Variants in EGR2 observed in about 807,000 individuals in gnomAD.
EGR2 encodes E3 SUMO-protein ligase EGR2.
A neutral mutation model predicts 21.2 loss-of-function variants in EGR2; 2 were observed. That is an observed-to-expected ratio of 0.09 (90% confidence interval 0.04 to 0.30). The LOEUF is 0.30. Ranked by LOEUF, EGR2 falls within the 10% of genes least tolerant of loss-of-function variation. The pLI, the probability that EGR2 is intolerant of heterozygous loss-of-function variation, is 1.00. For missense variants in EGR2, 458 were observed against 630.2 expected (o/e 0.73, Z 2.93); for synonymous variants, 282 against 258.2 (o/e 1.09, Z -0.88).
In EGR2 at chr10:62,816,332, C is replaced by T; in HGVS notation, c.-303G>A. ...TATTATAACAGTCAGTGAGTCCCCT[C>T]GCCGAGCTATTAATCAATTGCTCCT... On this transcript the variant is annotated 5_prime_UTR_variant, in exon 1 of 2. Coordinates refer to ENST00000242480, the MANE Select transcript of EGR2 (RefSeq NM_000399.5). 3 of 1,265,970 alleles carry T rather than the reference C, an allele frequency of 2.4e-6. No homozygotes were observed. The highest frequency in any genetic ancestry group is 1.6e-5 in the South Asian group (1 of 63,720). The allele number at this position is 1,265,970 out of a possible 1,614,324, so 78.4% of individuals were successfully genotyped here.
intron 1 of EGR2, among the ~76,000 whole-genome samples, 162 bp downstream of exon 1, chr10:62,815,699 T>C (rs539966120): frequency 2.0e-5 from 3 of 152,360 alleles, no homozygotes; most frequent in Admixed American, 6.5e-5. Context: ...GTCTCAGCTG[T>C]CGCAGGTTCC....
chr10:62,818,819 G>A (rs1838318004), upstream of EGR2, among the ~76,000 whole-genome samples: 1 of 152,160 alleles, frequency 6.6e-6, no homozygotes, highest in African/African-American at 2.4e-5. Flanking sequence ...GGACCGGCAG[G>A]CGGGCGAGTT....
intron 1 of EGR2, among the ~76,000 whole-genome samples, chr10:62,815,471 G>GC (rs1842240785): frequency 6.6e-6 from 1 of 152,228 alleles, no homozygotes; most frequent in Admixed American, 6.5e-5. Context: ...CTCTCCAGGC[G>GC]CGCAGCTCTC....
At chr10:62,816,436 G>A, upstream of EGR2, 10 of 1,107,986 alleles carry the variant, frequency 9.0e-6, no homozygotes, top group African/African-American at 1.6e-5. Flanking sequence ...GCCCATATAT[G>A]GACTGAGGAA....
Position 62,816,015 on chromosome 10 carries a change from C to T in EGR2, c.15G>A (p.Lys5=). The change falls in exon 1 of 2, where the codon AAG becomes AAA. Residue 5 remains lysine, a synonymous_variant. Transcript: ENST00000242480. ...GAGTTACTGGGATTTTGTCTACGGC[C>T]TTGGCGGTCATCATTTGCTCCTCGC... MMTA[K]AVDKIPVTLS... 6.2e-7 allele frequency: 1 copy of T among 1,614,182 alleles called. No individual in the cohort carries two copies. Among genetic ancestry groups the T allele is most frequent in the Non-Finnish European group, 8.5e-7 (1 of 1,180,030 alleles).
Position 62,813,443 on chromosome 10 carries a change from C to G in EGR2, c.1195G>C (p.Ala399Pro). ...IRTHTGEKPF[A>P]CDYCGRKFAR... ...AACTTTCGGCCACAGTAGTCACAGG[C>G]GAAGGGCTTCTCACCGGTGTGGGTG... Residue 399 changes from alanine (A) to proline (P), a missense_variant, in exon 2 of 2, where the codon GCC (alanine) becomes CCC (proline). This residue lies in a region of EGR2 where 39 missense variants were observed against 113.7 expected (regional missense o/e 0.34). Transcript: ENST00000242480. The surrounding 1 kb of genome is among the most constrained non-coding windows in gnomAD (Gnocchi z 5.7). 6.2e-7 allele frequency: 1 copy of G among 1,614,186 alleles called. No homozygotes were observed. Among genetic ancestry groups the G allele is most frequent in the Non-Finnish European group, 8.5e-7 (1 of 1,180,026 alleles).
chr10:62,816,986 G>A (rs1842286167), upstream of EGR2, among the ~76,000 whole-genome samples: 1 of 152,202 alleles, frequency 6.6e-6, no homozygotes, highest in African/African-American at 2.4e-5. Context: ...AAGAGTGAAT[G>A]CGTATTGCTT....
upstream of EGR2, among the ~76,000 whole-genome samples, chr10:62,816,585 T>A (rs1313576258): frequency 6.6e-6 from 1 of 152,100 alleles, no homozygotes; most frequent in East Asian, 1.9e-4. Flanking sequence ...CGGCCCTAGC[T>A]GCAGCCTGGG....
rs768683610 is a variant in EGR2, at chr10:62,814,195, G to T, written c.443C>A (p.Pro148His). 1.2e-6 allele frequency: 2 copies of T among 1,614,172 alleles called. No individual in the cohort carries two copies. Among genetic ancestry groups the T allele is most frequent in the South Asian group, 1.1e-5 (1 of 91,086 alleles). The change falls in exon 2 of 2, where the codon CCC (proline) becomes CAC (histidine). Residue 148 changes from proline to histidine, a missense_variant. Coordinates refer to ENST00000242480, the MANE Select transcript of EGR2 (RefSeq NM_000399.5). The surrounding 1 kb of genome is among the most constrained non-coding windows in gnomAD (Gnocchi z 4.8). ...CTGGGACATGGTGCACACACCCAGG[G>T]GTCCTGTGGCCAGTGGGTTGGGGGA... ...SASPNPLATG[P>H]LGVCTMSQTQ...
At chr10:62,815,366 G>A (rs1227313652) in intron 1 of EGR2, among the ~76,000 whole-genome samples, 1 of 152,242 alleles carries the variant, frequency 6.6e-6, no homozygotes, top group East Asian at 1.9e-4. Context: ...GCGCCTCCAG[G>A]CCGCAAGAAG....
At position 62,814,006 on chromosome 10, in the gene EGR2, G is replaced by C; in HGVS notation, c.632C>G (p.Pro211Arg). ...AYPPPPSYPSPKPATDPGLFP... is the reference protein window; with the variant it reads ...AYPPPPSYPSRKPATDPGLFP... ...GAGACCTGGGTCCGTGGCTGGCTTG[G>C]GGGATGGATAGGAAGGAGGTGGTGG... is the stretch of plus-strand genomic sequence containing the variant. Residue 211 changes from proline (P) to arginine (R), a missense_variant, in exon 2 of 2, where the codon CCC becomes CGC. Transcript: ENST00000242480. This position sits in a 1 kb window ranked among gnomAD's most constrained non-coding sequence, Gnocchi z 4.8. 6.2e-7 allele frequency: 1 copy of C among 1,614,190 alleles called. No homozygotes were observed. The highest frequency in any genetic ancestry group is 2.2e-5 in the East Asian group (1 of 44,876).
At chr10:62,816,567 C>T (rs1052812675), upstream of EGR2, among the ~76,000 whole-genome samples, 5 of 152,116 alleles carry the variant, frequency 3.3e-5, no homozygotes, top group Non-Finnish European at 7.4e-5. Context: ...GCTGGGGTCC[C>T]GGGCGCGCGG....
chr10:62,815,350 G>T (rs577299141), intron 1 of EGR2, among the ~76,000 whole-genome samples: 4 of 152,354 alleles, frequency 2.6e-5, no homozygotes, highest in Non-Finnish European at 5.9e-5. Flanking sequence ...GCGGGCAGGT[G>T]GGGGCGCGCC....
rs1225211720 is a variant in EGR2, at chr10:62,816,012, G to A, written c.18C>T (p.Ala6=). MMTAK[A]VDKIPVTLSG... is the part of the protein sequence containing the mutation. ...TGAGAGTTACTGGGATTTTGTCTAC[G>A]GCCTTGGCGGTCATCATTTGCTCCT... is the stretch of plus-strand genomic sequence containing the variant. Residue 6 remains alanine, a synonymous_variant, in exon 1 of 2, where the codon GCC becomes GCT. Coordinates refer to ENST00000242480, the MANE Select transcript of EGR2 (RefSeq NM_000399.5). 1.2e-6 allele frequency: 2 copies of A among 1,614,100 alleles called. No individual in the cohort carries two copies. The highest frequency in any genetic ancestry group is 1.7e-6 in the Non-Finnish European group (2 of 1,180,016).
chr10:62,818,579 C>T, upstream of EGR2: 2 of 1,277,052 alleles, frequency 1.6e-6, no homozygotes, highest in South Asian at 2.5e-5. Context: ...TCTGGCGGGT[C>T]CCGCGGCCCC....
Position 62,812,914 on chromosome 10 carries a change from T to A in EGR2, c.*293A>T. ...AGCAAAACCTAGTCAAACAACCCTT[T>A]AAAGCAGGGTCAGACCTCAGCCCTC... On this transcript the variant is annotated 3_prime_UTR_variant, in exon 2 of 2. Coordinates refer to ENST00000242480, the MANE Select transcript of EGR2 (RefSeq NM_000399.5). The A allele has an allele frequency of 3.1e-6, 1 of 323,562 alleles. No individual in the cohort carries two copies. Among genetic ancestry groups the A allele is most frequent in the Admixed American group, 4.4e-5 (1 of 22,480 alleles). 20.0% of individuals were successfully genotyped at this position (323,562 alleles called of 1,614,324 possible).
At position 62,815,584 on chromosome 10, in the gene EGR2, G is replaced by A. The variant is rs187049646; in HGVS notation, c.169+277C>T. Among the ~76,000 whole-genome samples, 459 of 152,330 alleles carry A rather than the reference G, an allele frequency of 3.0e-3. 3 individuals are homozygous for A. The highest frequency in any genetic ancestry group is 0.01 in the African/African-American group (432 of 41,588). ...CCTACGCAAGCCTCGAAACCCGGGGGGACGCCTCTTCCACCCCCATCCCTG... is the reference window on the plus strand; with the variant it reads ...CCTACGCAAGCCTCGAAACCCGGGGAGACGCCTCTTCCACCCCCATCCCTG... On this transcript the variant is annotated intron_variant, in intron 1 of 1. Transcript: ENST00000242480.
In EGR2 at chr10:62,814,386, T is replaced by A. The variant is rs1459131377; in HGVS notation, c.252A>T (p.Ala84=). The A allele has an allele frequency of 6.2e-7, 1 of 1,614,074 alleles. No individual in the cohort carries two copies. Among genetic ancestry groups the A allele is most frequent in the African/African-American group, 1.3e-5 (1 of 74,980 alleles). Residue 84 remains alanine, a synonymous_variant, in exon 2 of 2, where the codon GCA becomes GCT. Coordinates refer to ENST00000242480, the MANE Select transcript of EGR2 (RefSeq NM_000399.5). The surrounding 1 kb of genome is among the most constrained non-coding windows in gnomAD (Gnocchi z 4.8). ...TGTAAGTGAAGGTCTGGTTTCTAGG[T>A]GCAGAGACGGGAGCAAAGCTGCTGG... ...PYPSSFAPVS[A]PRNQTFTYMG...
intron 1 of EGR2, among the ~76,000 whole-genome samples, chr10:62,815,139 C>G (rs939579169): frequency 5.3e-5 from 8 of 152,260 alleles, no homozygotes; most frequent in Non-Finnish European, 7.3e-5. Flanking sequence ...GCCAGTGGCC[C>G]GGCCTCGAGG....
Sources: allele counts gnomAD v4.1 joint callset (sites outside exome capture counted in the v4.1 genomes callset), GRCh38; gene constraint gnomAD v4.1.1; regional missense constraint gnomAD v4.1.1; non-coding constraint Gnocchi (gnomAD v3.1); transcripts MANE v1.5; gene names NCBI Gene and HGNC (gene_info 2026-07-23, HGNC 2026-07-21).